SULF2: variants seen among roughly 807,000 people sequenced by gnomAD.
SULF2 encodes the protein extracellular sulfatase Sulf-2.
A neutral mutation model predicts 107.7 loss-of-function variants in SULF2; 52 were observed. The ratio of observed to expected loss-of-function variants is 0.48; its 90% confidence interval spans 0.39 to 0.61. The LOEUF is 0.61. Ranked by LOEUF, SULF2 falls within the 20% of genes least tolerant of loss-of-function variation. The pLI is 0.00. For synonymous variants in SULF2, 460 were observed against 464.3 expected, an observed-to-expected ratio of 0.99 and a Z score of 0.12; for missense variants, 993 against 1,177.3, an observed-to-expected ratio of 0.84 and a Z score of 2.29.
At chr20:47,780,506 A>G (rs1007913195) in intron 1 of SULF2, among the ~76,000 whole-genome samples, 5 of 152,148 alleles carry the variant, frequency 3.3e-5, no homozygotes, top group Admixed American at 3.3e-4. Flanking sequence ...CCTCCCTGAC[A>G]GCCTGCCTAA....
At chr20:47,711,038 C>T (rs2088909920) in intron 3 of SULF2, among the ~76,000 whole-genome samples, 1 of 152,188 alleles carries the variant, frequency 6.6e-6, no homozygotes. Context: ...AAAAACCTGG[C>T]ACAGGGGCAC....
At chr20:47,663,883 C>A (rs2087172744) in intron 15 of SULF2, among the ~76,000 whole-genome samples, 1 of 152,182 alleles carries the variant, frequency 6.6e-6, no homozygotes, top group Non-Finnish European at 1.5e-5. Flanking sequence ...CCTGTTGACA[C>A]CCCTTTCCCC....
Position 47,681,682 on chromosome 20 carries a change from T to C in SULF2, c.1064+1312A>G, listed in dbSNP as rs187735649. Reference sequence around the variant, plus strand: ...CCACGTCACAGGGCAGTTGTGATGCTGAAACGAATTATTAATTGTTTTTGA... The same window carrying C: ...CCACGTCACAGGGCAGTTGTGATGCCGAAACGAATTATTAATTGTTTTTGA... On this transcript the variant is annotated intron_variant, in intron 7 of 20. Transcript: ENST00000688720. 3.0e-4 allele frequency among the ~76,000 whole-genome samples: 45 copies of C among 152,342 alleles called. No individual in the cohort carries two copies. In the East Asian group the frequency reaches 8.5e-3, roughly 29 times the overall value.
intron 1 of SULF2, among the ~76,000 whole-genome samples, chr20:47,774,818 T>C (rs538486819): frequency 5.9e-5 from 9 of 152,284 alleles, no homozygotes; most frequent in African/African-American, 1.9e-4. Flanking sequence ...GGGGTGATCA[T>C]GTGACCAAGG....
At chr20:47,692,479 T>C (rs2088229800) in intron 4 of SULF2, among the ~76,000 whole-genome samples, 1 of 152,214 alleles carries the variant, frequency 6.6e-6, no homozygotes, top group Non-Finnish European at 1.5e-5. Context: ...GGCACAATCA[T>C]AGCTCAGTGT....
chr20:47,711,100 A>G (rs906960163), intron 3 of SULF2, among the ~76,000 whole-genome samples: 10 of 152,194 alleles, frequency 6.6e-5, no homozygotes, highest in Non-Finnish European at 1.3e-4. Context: ...GGGGAGACAG[A>G]GGGCTCCTGC....
chr20:47,778,963 G>A (rs1013456891), intron 1 of SULF2, among the ~76,000 whole-genome samples: 7 of 152,090 alleles, frequency 4.6e-5, no homozygotes, highest in African/African-American at 1.7e-4. Flanking sequence ...AGCCCCGACC[G>A]GCTGCAGACA....
At chr20:47,688,931 G>A (rs2088105397) in intron 5 of SULF2, among the ~76,000 whole-genome samples, 1 of 151,902 alleles carries the variant, frequency 6.6e-6, no homozygotes, top group Non-Finnish European at 1.5e-5. Flanking sequence ...CATCCTTGCA[G>A]CCCCAGAATG....
intron 17 of SULF2, among the ~76,000 whole-genome samples, chr20:47,662,287 C>T (rs1246875555): frequency 1.3e-5 from 2 of 152,128 alleles, no homozygotes; most frequent in Non-Finnish European, 1.5e-5. Flanking sequence ...GATGAAAGGA[C>T]GGGTAAGTGG....
intron 3 of SULF2, among the ~76,000 whole-genome samples, chr20:47,716,733 C>T (rs984323921): frequency 6.6e-6 from 1 of 152,126 alleles, no homozygotes; most frequent in Admixed American, 6.5e-5. Context: ...CAGTGGCTCA[C>T]GTCTGTAATC....
chr20:47,677,121 T>C lies in SULF2; in HGVS notation c.1207A>G (p.Lys403Glu). ...ERPVNRFHLKKKMRVWRDSFL... is the reference protein window; with the variant it reads ...ERPVNRFHLKEKMRVWRDSFL... ...GAGTCCCGCCAGACCCTCATCTTCTTTTTCAAGTGAAACCTGGAAAAAAGC... is the reference window on the plus strand; with the variant it reads ...GAGTCCCGCCAGACCCTCATCTTCTCTTTCAAGTGAAACCTGGAAAAAAGC... Residue 403 changes from lysine (K) to glutamate (E), a missense_variant, in exon 9 of 21, where the codon AAG (lysine) becomes GAG (glutamate). Around this residue, in one of 3 missense-constraint regions of SULF2, gnomAD observed 108 missense variants for 183.9 expected, o/e 0.59. Transcript: ENST00000688720. The C allele has an allele frequency of 6.2e-7, 1 of 1,613,354 alleles. No homozygotes were observed. The highest frequency in any genetic ancestry group is 8.5e-7 in the Non-Finnish European group (1 of 1,179,854).
chr20:47,716,150 T>C (rs1048056950), intron 3 of SULF2, among the ~76,000 whole-genome samples: 6 of 152,114 alleles, frequency 3.9e-5, no homozygotes, highest in African/African-American at 1.4e-4. Context: ...ATGTTGGTTA[T>C]ATCTAGTGAT....
chr20:47,775,122 C>T (rs917995295), intron 1 of SULF2, among the ~76,000 whole-genome samples: 2 of 152,178 alleles, frequency 1.3e-5, no homozygotes, highest in Non-Finnish European at 1.5e-5. Flanking sequence ...GTATTCAAAC[C>T]CTTGTGTGGG....
chr20:47,750,541 T>C (rs2090137649), intron 2 of SULF2, among the ~76,000 whole-genome samples: 1 of 152,208 alleles, frequency 6.6e-6, no homozygotes, highest in Non-Finnish European at 1.5e-5. Context: ...ACTGTTGCAG[T>C]AGACTCCTTA....
intron 3 of SULF2, among the ~76,000 whole-genome samples, chr20:47,717,309 T>A (rs6018657): frequency 0.09 from 13,670 of 152,018 alleles, 681 homozygotes; most frequent in African/African-American, 0.12. Flanking sequence ...AGAGGCAAAG[T>A]CCCCTTTTCA....
rs182503228 is a variant in SULF2, at chr20:47,735,787, A to G, written c.415+916T>C. Among the ~76,000 whole-genome samples, 644 of 152,286 alleles carry G rather than the reference A, an allele frequency of 4.2e-3. 3 individuals carry two copies. Among genetic ancestry groups the G allele is most frequent in the African/African-American group, 0.015 (609 of 41,556 alleles). On this transcript the variant is annotated intron_variant, in intron 3 of 20. Coordinates refer to ENST00000688720, the MANE Select transcript of SULF2 (RefSeq NM_001387048.1). ...CACACCAAAGCATCCCTGCCAGCCC[A>G]CACTGTGTATCTGAGAGGAAGCTGC... is the stretch of plus-strand genomic sequence containing the variant.
At chr20:47,773,294 T>C (rs578069683) in intron 1 of SULF2, among the ~76,000 whole-genome samples, 161 of 152,288 alleles carry the variant, frequency 1.1e-3, no homozygotes, top group Middle Eastern at 3.4e-3. Flanking sequence ...GAGGAAGCTG[T>C]CAGGTGATAG....
rs376110381 is a variant in SULF2 at position 47,678,475 on chromosome 20, A to G, written c.1193+201T>C. ...AGGTCCCCAACTGGTCACCTTGGCC[A>G]CATTCCAGATGGGAAGACAGAATCT... On this transcript the variant is annotated intron_variant, in intron 8 of 20. Coordinates refer to ENST00000688720, the MANE Select transcript of SULF2 (RefSeq NM_001387048.1). This position sits in a 1 kb window ranked among gnomAD's most constrained non-coding sequence, Gnocchi z 4.5. 138 of 700,564 alleles carry G rather than the reference A, an allele frequency of 2.0e-4. No homozygotes were observed. In the African/African-American group the frequency reaches 2.2e-3, roughly 11 times the overall value. 43.4% of individuals were successfully genotyped at this position (700,564 alleles called of 1,614,324 possible). A position where few individuals can be genotyped will look rare whatever the true frequency, so the allele number is the denominator to read the frequency against.
intron 1 of SULF2, among the ~76,000 whole-genome samples, chr20:47,765,473 G>A (rs112283148): frequency 0.011 from 1,605 of 152,214 alleles, 36 homozygotes; most frequent in African/African-American, 0.037. Context: ...TTGGTCAGAC[G>A]GGAAACACTC....
Sources: gnomAD v4.1 joint callset for allele counts (sites outside exome capture counted in the v4.1 genomes callset) on GRCh38, gnomAD v4.1.1 for gene constraint, gnomAD v4.1.1 regional missense constraint, Gnocchi (gnomAD v3.1) non-coding constraint, MANE v1.5 for transcripts, NCBI Gene and HGNC (gene_info 2026-07-23, HGNC 2026-07-21) for gene names.